The following EFR3A variants were observed in gnomAD, a reference collection of about 807,000 sequenced individuals.
EFR3A encodes the protein protein EFR3 homolog A.
Under a neutral mutation model 104.4 loss-of-function variants are expected in EFR3A, and 76 were observed. The observed-to-expected ratio is 0.73, with a 90% CI of 0.60 to 0.88. The LOEUF is 0.88. Among genes scored for constraint, EFR3A ranks in the 40% least tolerant of loss-of-function variants. The pLI is 0.00. For synonymous variants in EFR3A, 330 were observed against 330.0 expected, an observed-to-expected ratio of 1.00 and a Z score of 0.00; for missense variants, 985 against 1,012.5, an observed-to-expected ratio of 0.97 and a Z score of 0.37.
At chr8:131,938,871 G>A (rs1320486235) in intron 1 of EFR3A, among the ~76,000 whole-genome samples, 1 of 152,112 alleles carries the variant, frequency 6.6e-6, no homozygotes, top group Non-Finnish European at 1.5e-5. Flanking sequence ...AACCCTCAGA[G>A]AGTTACGATA....
At chr8:132,003,061 T>A (rs1326167179) in intron 21 of EFR3A, among the ~76,000 whole-genome samples, 175 bp from the exon 22 acceptor site, 2 of 152,184 alleles carry the variant, frequency 1.3e-5, no homozygotes, top group African/African-American at 4.8e-5. Context: ...AGACAACCCT[T>A]ACATTAAATT....
At chr8:131,975,948 CTT>C in intron 10 of EFR3A, 77 bp from the exon 11 acceptor site, 3 of 830,502 alleles carry the variant, frequency 3.6e-6, no homozygotes, top group Admixed American at 2.5e-5. Context: ...ATATTGAAAA[CTT>C]TGGCTAAAAA....
chr8:131,945,653 T>G (rs1818401564), intron 3 of EFR3A, among the ~76,000 whole-genome samples: 1 of 152,070 alleles, frequency 6.6e-6, no homozygotes, highest in Non-Finnish European at 1.5e-5. Flanking sequence ...CTTTAAAAAT[T>G]GATACATAAT....
intron 1 of EFR3A, among the ~76,000 whole-genome samples, chr8:131,925,606 T>G (rs1817257186): frequency 6.6e-6 from 1 of 152,114 alleles, no homozygotes; most frequent in Admixed American, 6.5e-5. Context: ...TGCAAAAATC[T>G]GAATGAGGAA....
intron 1 of EFR3A, among the ~76,000 whole-genome samples, chr8:131,914,961 T>C (rs1385251226): frequency 1.3e-5 from 2 of 152,184 alleles, no homozygotes; most frequent in Non-Finnish European, 2.9e-5. Context: ...TCCAGCTCCA[T>C]CTGTTCCCAC....
At chr8:131,911,855 C>A (rs2130385863) in intron 1 of EFR3A, among the ~76,000 whole-genome samples, 1 of 152,304 alleles carries the variant, frequency 6.6e-6, no homozygotes, top group African/African-American at 2.4e-5. Context: ...GGGTATGGGG[C>A]AGGACCCTGT....
At chr8:131,960,824 T>C (rs1819276535) in intron 8 of EFR3A, among the ~76,000 whole-genome samples, 1 of 152,158 alleles carries the variant, frequency 6.6e-6, no homozygotes, top group Non-Finnish European at 1.5e-5. Context: ...TGATTAAGAG[T>C]TGTACTCTGG....
At chr8:131,925,580 C>A (rs943255199) in intron 1 of EFR3A, among the ~76,000 whole-genome samples, 1 of 151,940 alleles carries the variant, frequency 6.6e-6, no homozygotes, top group African/African-American at 2.4e-5. Flanking sequence ...AAAAATGATA[C>A]AAATATACTG....
At chr8:131,935,849 C>T (rs767243052) in intron 1 of EFR3A, among the ~76,000 whole-genome samples, 2 of 149,766 alleles carry the variant, frequency 1.3e-5, no homozygotes, top group Non-Finnish European at 3.0e-5. Context: ...GTGGAAGTTG[C>T]TTATTTTTAA....
At chr8:131,952,244 A>G (rs1818743693) in intron 5 of EFR3A, among the ~76,000 whole-genome samples, 1 of 152,108 alleles carries the variant, frequency 6.6e-6, no homozygotes, top group African/African-American at 2.4e-5. Flanking sequence ...TTGTTTAACC[A>G]CTTTACATGA....
intron 1 of EFR3A, among the ~76,000 whole-genome samples, chr8:131,934,834 G>A (rs1178763317): frequency 6.6e-6 from 1 of 152,072 alleles, no homozygotes; most frequent in Non-Finnish European, 1.5e-5. Flanking sequence ...CATATTATAT[G>A]TAAATTGTTT....
chr8:131,916,580 A>G (rs1316080472), intron 1 of EFR3A, among the ~76,000 whole-genome samples: 2 of 152,218 alleles, frequency 1.3e-5, no homozygotes, highest in Non-Finnish European at 2.9e-5. Flanking sequence ...GATAGGTTGT[A>G]TAGAGGCTAA....
chr8:131,904,265 G>T lies in EFR3A; in HGVS notation c.-48G>T, dbSNP rs1451726397. 6 of 1,281,792 alleles carry T rather than the reference G, an allele frequency of 4.7e-6. No homozygotes were observed. Among genetic ancestry groups the T allele is most frequent in the Non-Finnish European group, 5.9e-6 (6 of 1,012,614 alleles). The allele number at this position is 1,281,792 out of a possible 1,614,324, so 79.4% of individuals were successfully genotyped here. A position where few individuals can be genotyped will look rare whatever the true frequency, so the allele number is the denominator to read the frequency against. ...TCATGGTGCCGTCGGCGCTCCCTGCGCGGCCCCGCTGAGCCTCGGTGCGGC... is the reference window on the plus strand; with the variant it reads ...TCATGGTGCCGTCGGCGCTCCCTGCTCGGCCCCGCTGAGCCTCGGTGCGGC... On this transcript the variant is annotated 5_prime_UTR_variant, in exon 1 of 23. Transcript: ENST00000254624.
At chr8:131,947,991 T>C (rs1181844031) in intron 4 of EFR3A, among the ~76,000 whole-genome samples, 1 of 152,118 alleles carries the variant, frequency 6.6e-6, no homozygotes, top group Non-Finnish European at 1.5e-5. Context: ...AAAAAGAAAA[T>C]AGTGATAATA....
chr8:131,966,420 G>T lies in EFR3A; in HGVS notation c.856-1875G>T, dbSNP rs75568957. 1.8e-3 allele frequency among the ~76,000 whole-genome samples: 278 copies of T among 152,048 alleles called. 2 individuals carry two copies. Among genetic ancestry groups the T allele is most frequent in the African/African-American group, 6.5e-3 (270 of 41,490 alleles). ...CTTCTGAATGAAATGCTCTTTTGTC[G>T]TCATTATTGTTATGTTCAATGTTAA... On this transcript the variant is annotated intron_variant, in intron 8 of 22. Coordinates refer to ENST00000254624, the MANE Select transcript of EFR3A (RefSeq NM_015137.6).
At chr8:131,932,700 C>G (rs949469452) in intron 1 of EFR3A, among the ~76,000 whole-genome samples, 23 of 152,112 alleles carry the variant, frequency 1.5e-4, no homozygotes, top group Non-Finnish European at 3.2e-4. Context: ...GAAATACACT[C>G]TATAAATGGA....
chr8:131,996,543 C>G (rs200360166), intron 19 of EFR3A, 46 bp downstream of exon 19: 6 of 1,299,014 alleles, frequency 4.6e-6, no homozygotes, highest in Non-Finnish European at 1.0e-6. Flanking sequence ...TGGTAGACAT[C>G]ATTTAAAAGA....
intron 1 of EFR3A, among the ~76,000 whole-genome samples, chr8:131,913,014 G>A (rs1816583726): frequency 6.6e-6 from 1 of 150,402 alleles, no homozygotes; most frequent in Non-Finnish European, 1.5e-5. Flanking sequence ...AGGAGGAGGA[G>A]GAGGAAATAA....
chr8:131,959,809 C>T (rs1238803887), intron 8 of EFR3A, 146 bp downstream of exon 8: 8 of 524,302 alleles, frequency 1.5e-5, no homozygotes, highest in Admixed American at 7.5e-5. Context: ...TTTTCATTTG[C>T]TACTTATTTT....
Sources: gnomAD v4.1 joint callset for allele counts (sites outside exome capture counted in the v4.1 genomes callset) on GRCh38, gnomAD v4.1.1 for gene constraint, MANE v1.5 for transcripts, NCBI Gene and HGNC (gene_info 2026-07-23, HGNC 2026-07-21) for gene names.